Variants in EPHB2 observed in about 807,000 individuals in gnomAD.
The protein encoded by EPHB2 is ephrin type-B receptor 2.
EPHB2 carries 18 observed loss-of-function variants against 96.4 expected under a neutral mutation model. That is an observed-to-expected ratio of 0.19 (90% CI 0.13 to 0.28). EPHB2 has a LOEUF of 0.28. Ranked by LOEUF, EPHB2 falls within the 10% of genes least tolerant of loss-of-function variation. The pLI is 1.00. For synonymous variants in EPHB2, 506 were observed against 534.1 expected (o/e 0.95, Z 0.72); for missense variants, 989 against 1,355.4 (o/e 0.73, Z 4.25).
At chr1:22,857,422 T>C (rs866579885) in intron 3 of EPHB2, among the ~76,000 whole-genome samples, 1 of 151,844 alleles carries the variant, frequency 6.6e-6, no homozygotes, top group African/African-American at 2.4e-5. Flanking sequence ...GCCAGGGAGA[T>C]GAAGGAGAAG....
chr1:22,894,596 C>CT, intron 7 of EPHB2, among the ~76,000 whole-genome samples: 1 of 145,030 alleles, frequency 6.9e-6, no homozygotes, highest in African/African-American at 2.7e-5. Flanking sequence ...AACTCCCACT[C>CT]CAAAAAAAAA....
At chr1:22,743,653 T>C (rs1440665726) in intron 1 of EPHB2, among the ~76,000 whole-genome samples, 3 of 152,028 alleles carry the variant, frequency 2.0e-5, no homozygotes, top group African/African-American at 4.8e-5. Flanking sequence ...TGTGTTCTTT[T>C]GTAGAGATGG....
At chr1:22,774,674 T>G (rs1570252962) in intron 1 of EPHB2, 45 of 918,114 alleles carry the variant, frequency 4.9e-5, no homozygotes, top group Non-Finnish European at 5.7e-5. Flanking sequence ...GGGCCTCGAG[T>G]ACCTTGTTAA....
chr1:22,904,498 G>A (rs1351959566), intron 9 of EPHB2, among the ~76,000 whole-genome samples: 2 of 152,120 alleles, frequency 1.3e-5, no homozygotes, highest in African/African-American at 4.8e-5. Flanking sequence ...CTCATACTTA[G>A]GACTGCTAAG....
chr1:22,878,043 ACT>A (rs1638901412), intron 5 of EPHB2, among the ~76,000 whole-genome samples: 1 of 152,146 alleles, frequency 6.6e-6, no homozygotes, highest in Admixed American at 6.5e-5. Flanking sequence ...GGGAGGTGAA[ACT>A]CCAGAGAGAG....
Position 22,882,569 on chromosome 1 carries a change from G to A in EPHB2, c.1428+86G>A, listed in dbSNP as rs771115001. 3.3e-4 allele frequency: 524 copies of A among 1,590,462 alleles called. 2 individuals are homozygous for A. Among genetic ancestry groups the A allele is most frequent in the Non-Finnish European group, 2.9e-4 (340 of 1,165,754 alleles). ...TGAGGCCTGGGAGTTCTGCCCCACC[G>A]CAAGATGAGACGCACTGGTGCAGCA... is the stretch of plus-strand genomic sequence containing the variant. On this transcript the variant is annotated intron_variant, in intron 6 of 15. Transcript: ENST00000374630.
At position 22,879,255 on chromosome 1, in the gene EPHB2, G is replaced by A. The variant is rs115757215; in HGVS notation, c.1304-3104G>A. On this transcript the variant is annotated intron_variant, in intron 5 of 15. Transcript: ENST00000374630. ...TCAGCCCCTGTGGGTTGGATGAGAG[G>A]GGCAGAGAAGCTGTGGGGAGGCATG... 2.8e-3 allele frequency among the ~76,000 whole-genome samples: 419 copies of A among 152,308 alleles called. 1 individual carries two copies. Among genetic ancestry groups the A allele is most frequent in the African/African-American group, 9.4e-3 (389 of 41,560 alleles).
At position 22,791,395 on chromosome 1, in the gene EPHB2, T is replaced by G. The variant is rs10917299; in HGVS notation, c.811+6319T>G. On this transcript the variant is annotated intron_variant, in intron 3 of 15. Coordinates refer to ENST00000374630, the MANE Select transcript of EPHB2 (RefSeq NM_017449.5). Reference sequence around the variant, plus strand: ...TGGATTTATGTGTATTTACACATACTGATTTTTTGTTTTAAGAAAAAAATG... The same window carrying G: ...TGGATTTATGTGTATTTACACATACGGATTTTTTGTTTTAAGAAAAAAATG... Among the ~76,000 whole-genome samples, 618 of 151,918 alleles carry G rather than the reference T, an allele frequency of 4.1e-3. 10 individuals are homozygous for G. Among genetic ancestry groups the G allele is most frequent in the African/African-American group, 0.014 (583 of 41,470 alleles).
chr1:22,761,707 C>T (rs1644238657), intron 1 of EPHB2, among the ~76,000 whole-genome samples: 1 of 152,232 alleles, frequency 6.6e-6, no homozygotes, highest in African/African-American at 2.4e-5. Flanking sequence ...GCAACCCTTC[C>T]CCTGGACGCC....
At chr1:22,905,304 C>G (rs1639875271) in intron 9 of EPHB2, among the ~76,000 whole-genome samples, 3 of 152,174 alleles carry the variant, frequency 2.0e-5, no homozygotes, top group Admixed American at 2.0e-4. Flanking sequence ...TAGCTTCATG[C>G]TGATTACCAG....
chr1:22,713,806 C>T (rs142066586), intron 1 of EPHB2, among the ~76,000 whole-genome samples: 3 of 152,332 alleles, frequency 2.0e-5, no homozygotes, highest in African/African-American at 7.2e-5. Flanking sequence ...CAGCTCCAGC[C>T]TTCGGAATGG....
intron 1 of EPHB2, among the ~76,000 whole-genome samples, chr1:22,773,004 T>C (rs1644399885): frequency 6.6e-6 from 1 of 152,162 alleles, no homozygotes; most frequent in Non-Finnish European, 1.5e-5. Context: ...TCCCCATAAG[T>C]TTGCTCTGGG....
intron 1 of EPHB2, among the ~76,000 whole-genome samples, chr1:22,758,555 T>C (rs1478538593): frequency 6.6e-6 from 1 of 152,126 alleles, no homozygotes; most frequent in Non-Finnish European, 1.5e-5. Context: ...GACACCATGC[T>C]GCCCTTGTGC....
intron 6 of EPHB2, 135 bp downstream of exon 6, chr1:22,882,618 A>C (rs1639087245): frequency 1.4e-6 from 2 of 1,421,904 alleles, no homozygotes; most frequent in Non-Finnish European, 1.9e-6. Context: ...CCTTGGAGTC[A>C]GGCTGCCTGG....
Position 22,906,725 on chromosome 1 carries a change from T to C in EPHB2, c.1904T>C (p.Val635Ala). The change falls in exon 11 of 16, where the codon GTC becomes GCC. Residue 635 changes from valine (V) to alanine (A), a missense_variant. Val to Ala is a moderately conservative substitution (Grantham distance 64). Coordinates refer to ENST00000374630, the MANE Select transcript of EPHB2 (RefSeq NM_017449.5). This position sits in a 1 kb window ranked among gnomAD's most constrained non-coding sequence, Gnocchi z 4.8. ...QVIGAGEFGE[V>A]CSGHLKLPGK... ...TCTCTCTCAGGGGAGTTTGGCGAGGTCTGCAGTGGCCACCTGAAGCTGCCA... is the reference window on the plus strand; with the variant it reads ...TCTCTCTCAGGGGAGTTTGGCGAGGCCTGCAGTGGCCACCTGAAGCTGCCA... 1 of 1,614,016 alleles carries C rather than the reference T, an allele frequency of 6.2e-7. No homozygotes were observed. Among genetic ancestry groups the C allele is most frequent in the Non-Finnish European group, 8.5e-7 (1 of 1,180,012 alleles).
rs1640364775 is a variant in EPHB2, at chr1:22,920,290, A to C, written c.*6720A>C. On this transcript the variant is annotated 3_prime_UTR_variant, in exon 16 of 16. Transcript: ENST00000374630. Reference sequence around the variant, plus strand: ...AGGGCCCCACTGGCTCAGTCTGGGGAGGGACTCATCTGGGGTGGAATTTCC... The same window carrying C: ...AGGGCCCCACTGGCTCAGTCTGGGGCGGGACTCATCTGGGGTGGAATTTCC... 1 of 152,220 alleles carries C rather than the reference A, an allele frequency of 6.6e-6. No individual in the cohort carries two copies. The highest frequency in any genetic ancestry group is 2.1e-4 in the South Asian group (1 of 4,824). The allele number at this position is 152,220 out of a possible 1,614,324, so 9.4% of individuals were successfully genotyped here.
chr1:22,763,191 G>A (rs1043408418), intron 1 of EPHB2, among the ~76,000 whole-genome samples: 1 of 152,194 alleles, frequency 6.6e-6, no homozygotes, highest in South Asian at 2.1e-4. Flanking sequence ...TACATCCTGC[G>A]GGATGGCCTT....
chr1:22,829,767 G>A (rs1645276969), intron 3 of EPHB2, among the ~76,000 whole-genome samples: 2 of 152,216 alleles, frequency 1.3e-5, no homozygotes, highest in East Asian at 1.9e-4. Context: ...AGGTGAGGCT[G>A]GGTCTCAGAC....
In EPHB2 at chr1:22,872,840, C is replaced by T. The variant is rs559785455; in HGVS notation, c.1303+7628C>T. On this transcript the variant is annotated intron_variant, in intron 5 of 15. Transcript: ENST00000374630. ...AACGTGTACTCACCTACTTCTCTCC[C>T]TGGGGGACCAAGAGGATCAGAGAGA... Among the ~76,000 whole-genome samples the T allele has an allele frequency of 2.0e-5, 3 of 152,362 alleles. 1 individual carries two copies. The highest frequency in any genetic ancestry group is 7.2e-5 in the African/African-American group (3 of 41,590).
Sources: allele counts gnomAD v4.1 joint callset (sites outside exome capture counted in the v4.1 genomes callset), GRCh38; gene constraint gnomAD v4.1.1; non-coding constraint Gnocchi (gnomAD v3.1); transcripts MANE v1.5; gene names NCBI Gene and HGNC (gene_info 2026-07-23, HGNC 2026-07-21).